ZNF407: variants seen among roughly 807,000 people sequenced by gnomAD.
ZNF407 encodes zinc finger protein 407.
In ZNF407, 17 loss-of-function variants were observed where a neutral mutation model predicts 131.2. The ratio of observed to expected loss-of-function variants is 0.13; its 90% confidence interval spans 0.09 to 0.19. The LOEUF (loss-of-function observed/expected upper bound fraction) is 0.19. Among genes scored for constraint, ZNF407 ranks in the 10% least tolerant of loss-of-function variants. The pLI is 1.00. For synonymous variants in ZNF407, 1,156 were observed against 1,062.0 expected (o/e 1.09, Z -1.72); for missense variants, 2,681 against 2,830.6 (o/e 0.95, Z 1.20).
At chr18:75,001,596 G>A (rs1288412029) in intron 8 of ZNF407, among the ~76,000 whole-genome samples, 5 of 152,126 alleles carry the variant, frequency 3.3e-5, no homozygotes, top group South Asian at 2.1e-4. Flanking sequence ...AACAGAATGC[G>A]TTCAACCCAG....
chr18:74,752,723 C>A (rs892206282), intron 3 of ZNF407, among the ~76,000 whole-genome samples: 1 of 152,082 alleles, frequency 6.6e-6, no homozygotes, highest in Non-Finnish European at 1.5e-5. Flanking sequence ...TGTTCTGTTC[C>A]ATTGGTTTAT....
intron 3 of ZNF407, among the ~76,000 whole-genome samples, chr18:74,727,385 C>T (rs1327352724): frequency 6.6e-6 from 1 of 152,128 alleles, no homozygotes; most frequent in African/African-American, 2.4e-5. Context: ...CTCACTCATC[C>T]AGGTCCCTCA....
chr18:74,825,650 G>GC (rs1262886322), intron 4 of ZNF407, among the ~76,000 whole-genome samples: 1 of 152,128 alleles, frequency 6.6e-6, no homozygotes, highest in Non-Finnish European at 1.5e-5. Context: ...CCGGGTTGTG[G>GC]CTCTGTGTGT....
rs1204417770 is a variant in ZNF407 at position 74,645,063 on chromosome 18, T to TC, written c.4802+3944dup. Among the ~76,000 whole-genome samples, 8 of 152,212 alleles carry TC rather than the reference T, an allele frequency of 5.3e-5. No individual in the cohort carries two copies. In the East Asian group the frequency reaches 1.5e-3, roughly 29 times the overall value. On this transcript the variant is annotated intron_variant, in intron 3 of 8. Transcript: ENST00000299687. ...CCCAATACTTTCCCTATTTTATATT[T>TC]CCCACTTATTAAGTGTTGTTTTAAA...
At chr18:74,936,361 A>G (rs1349762614) in intron 8 of ZNF407, among the ~76,000 whole-genome samples, 1 of 152,222 alleles carries the variant, frequency 6.6e-6, no homozygotes, top group Non-Finnish European at 1.5e-5. Context: ...TAGTGCAGAC[A>G]AAATGGAATG....
intron 1 of ZNF407, among the ~76,000 whole-genome samples, chr18:74,607,990 G>A (rs1183714265): frequency 6.6e-6 from 1 of 152,140 alleles, no homozygotes; most frequent in Non-Finnish European, 1.5e-5. Context: ...ACAGAAGTTA[G>A]AGATAGCATA....
chr18:74,887,855 A>G (rs1317203487), intron 6 of ZNF407, among the ~76,000 whole-genome samples: 2 of 152,190 alleles, frequency 1.3e-5, no homozygotes, highest in African/African-American at 4.8e-5. Flanking sequence ...TGGGATCAGA[A>G]TTGAAGTCCA....
intron 8 of ZNF407, among the ~76,000 whole-genome samples, chr18:75,041,381 A>G (rs1201982384): frequency 6.6e-6 from 1 of 152,184 alleles, no homozygotes; most frequent in Non-Finnish European, 1.5e-5. Flanking sequence ...TTCTTCAACC[A>G]TAAAAGAGCT....
At position 74,615,108 on chromosome 18, in the gene ZNF407, C is replaced by T. The variant is rs147040377; in HGVS notation, c.-53-15859C>T. On this transcript the variant is annotated intron_variant, in intron 1 of 8. Transcript: ENST00000299687. ...GCTGGATGCAGGGAATGAGAAAGCT[C>T]AAAGACAGAGCTTCAAGGTGGAAGG... is the stretch of plus-strand genomic sequence containing the variant. Among the ~76,000 whole-genome samples, 17 of 152,318 alleles carry T rather than the reference C, an allele frequency of 1.1e-4. No homozygotes were observed. The East Asian group carries it at 3.3e-3, about 29-fold the overall frequency.
chr18:74,812,802 A>AT (rs930924086), intron 4 of ZNF407, among the ~76,000 whole-genome samples: 115 of 151,690 alleles, frequency 7.6e-4, no homozygotes, highest in African/African-American at 2.5e-3. Context: ...AGTTTTTATG[A>AT]TTTTTTTTAA....
At chr18:74,771,296 A>G (rs561955083) in intron 3 of ZNF407, among the ~76,000 whole-genome samples, 58 of 152,260 alleles carry the variant, frequency 3.8e-4, no homozygotes, top group Admixed American at 1.0e-3. Context: ...GGAGTAAACA[A>G]ATTTCATATA....
chr18:74,926,477 G>GT (rs1403666104), intron 8 of ZNF407, among the ~76,000 whole-genome samples: 1 of 152,070 alleles, frequency 6.6e-6, no homozygotes, highest in Non-Finnish European at 1.5e-5. Context: ...CTGAAAGAGG[G>GT]TTTTTTTCAA....
At chr18:74,783,089 A>G (rs925995869) in intron 4 of ZNF407, among the ~76,000 whole-genome samples, 12 of 152,226 alleles carry the variant, frequency 7.9e-5, no homozygotes, top group Non-Finnish European at 1.8e-4. Flanking sequence ...GAAACAGAAC[A>G]TATTTGTAAT....
intron 8 of ZNF407, among the ~76,000 whole-genome samples, chr18:75,007,507 A>C (rs1020717267): frequency 2.0e-5 from 3 of 151,926 alleles, no homozygotes; most frequent in Non-Finnish European, 4.4e-5. Flanking sequence ...GCACACAATC[A>C]CTCTGCTGCT....
At chr18:74,602,128 C>T (rs1301344402) in intron 1 of ZNF407, among the ~76,000 whole-genome samples, 1 of 152,160 alleles carries the variant, frequency 6.6e-6, no homozygotes, top group Non-Finnish European at 1.5e-5. Flanking sequence ...TACTAACTCC[C>T]TGCTTACTTG....
intron 1 of ZNF407, among the ~76,000 whole-genome samples, chr18:74,619,107 A>G (rs935818101): frequency 5.9e-5 from 9 of 152,204 alleles, no homozygotes; most frequent in Non-Finnish European, 1.5e-5. Flanking sequence ...TTTTGGAAGT[A>G]CTATTTTTTT....
At chr18:74,841,816 T>A (rs1172087133) in intron 4 of ZNF407, among the ~76,000 whole-genome samples, 1 of 152,222 alleles carries the variant, frequency 6.6e-6, no homozygotes, top group Non-Finnish European at 1.5e-5. Context: ...TTCTAGGTTA[T>A]CCCTAGACTC....
intron 3 of ZNF407, among the ~76,000 whole-genome samples, chr18:74,672,888 A>G (rs936391002): frequency 1.3e-5 from 2 of 152,190 alleles, no homozygotes; most frequent in African/African-American, 4.8e-5. Flanking sequence ...ATGTTCTTCG[A>G]TCAAGCCTCT....
chr18:74,604,721 T>A (rs938266548), intron 1 of ZNF407, among the ~76,000 whole-genome samples: 3 of 152,232 alleles, frequency 2.0e-5, no homozygotes, highest in African/African-American at 7.2e-5. Flanking sequence ...ACAATAATAA[T>A]GTTTTTGAGT....
Sources: allele counts gnomAD v4.1 joint callset (sites outside exome capture counted in the v4.1 genomes callset), GRCh38; gene constraint gnomAD v4.1.1; transcripts MANE v1.5; gene names NCBI Gene and HGNC (gene_info 2026-07-23, HGNC 2026-07-21).